Variants in NICN1 observed in about 807,000 individuals in gnomAD.
NICN1 encodes nicolin-1.
In NICN1, 18 loss-of-function variants were observed where a neutral mutation model predicts 26.3. That is an observed-to-expected ratio of 0.68 (90% CI 0.47 to 1.01). The LOEUF (loss-of-function observed/expected upper bound fraction) is 1.01. Ranked by LOEUF, NICN1 falls within the 50% of genes least tolerant of loss-of-function variation. NICN1 has a pLI of 0.00. For synonymous variants in NICN1, 109 were observed against 111.0 expected, an observed-to-expected ratio of 0.98 and a Z score of 0.11; for missense variants, 239 against 278.3, an observed-to-expected ratio of 0.86 and a Z score of 1.00.
At chr3:49,429,049 C>A in intron 1 of NICN1, 59 bp downstream of exon 1, 1 of 1,503,542 alleles carries the variant, frequency 6.7e-7, no homozygotes, top group Non-Finnish European at 9.0e-7. Flanking sequence ...TGGGAAACGA[C>A]CGAGATTCCA....
At chr3:49,425,487 T>G in intron 3 of NICN1, 49 bp from the exon 4 acceptor site, 1 of 1,482,042 alleles carries the variant, frequency 6.7e-7, no homozygotes, top group Non-Finnish European at 9.2e-7. Context: ...TGGACAGCTC[T>G]GGGACCAGAT....
At chr3:49,428,511 C>T (rs934561465) in intron 1 of NICN1, among the ~76,000 whole-genome samples, 1 of 151,990 alleles carries the variant, frequency 6.6e-6, no homozygotes, top group Non-Finnish European at 1.5e-5. Flanking sequence ...CACCTGAGGT[C>T]GGGAGTTCCA....
At position 49,425,023 on chromosome 3, in the gene NICN1, C is replaced by G; in HGVS notation, c.526G>C (p.Glu176Gln). The change falls in exon 5 of 6, where the codon GAG becomes CAG. Residue 176 changes from glutamate (E) to glutamine (Q), a missense_variant. By Grantham distance (29) the Glu-to-Gln change is conservative (BLOSUM62 2). Transcript: ENST00000273598. The part of the protein sequence containing the change: ...GLPDPSRVSS[E>Q]VQQMWALTEM... ...GTCAGTGCCCACATCTGCTGCACCT[C>G]GGAGGATACCCTGCTGGGGTCTGGG... The G allele has an allele frequency of 1.9e-6, 3 of 1,614,098 alleles. No individual in the cohort carries two copies. Among genetic ancestry groups the G allele is most frequent in the Admixed American group, 1.7e-5 (1 of 60,018 alleles).
Position 49,429,125 on chromosome 3 carries a change from T to C in NICN1, c.115A>G (p.Ser39Gly), listed in dbSNP as rs1278801622. 1 of 1,608,388 alleles carries C rather than the reference T, an allele frequency of 6.2e-7. No homozygotes were observed. The highest frequency in any genetic ancestry group is 8.5e-7 in the Non-Finnish European group (1 of 1,177,620). Residue 39 changes from serine (S) to glycine (G), a missense_variant, in exon 1 of 6, where the codon AGC (serine) becomes GGC (glycine). Coordinates refer to ENST00000273598, the MANE Select transcript of NICN1 (RefSeq NM_032316.3). The stretch of plus-strand genomic sequence containing the variant: ...TTGCTCACCTCGAAGGGAGCGACGC[T>C]GGGGAAGGTGACATCGATGACCAGC... ...GVLVIDVTFP[S>G]VAPFELQEIT...
At position 49,426,445 on chromosome 3, in the gene NICN1, C is replaced by T; in HGVS notation, c.133-17G>A. ...TTCCTGCAACTAGAACACATACAAC[C>T]CATTACAACAAGTCAGACCCAGGCC... On this transcript the variant is annotated splice_polypyrimidine_tract_variant and intron_variant, in intron 1 of 5. Coordinates refer to ENST00000273598, the MANE Select transcript of NICN1 (RefSeq NM_032316.3). The T allele has an allele frequency of 6.2e-7, 1 of 1,611,256 alleles. No homozygotes were observed. Among genetic ancestry groups the T allele is most frequent in the African/African-American group, 1.3e-5 (1 of 74,984 alleles).
chr3:49,422,831 G>A lies in NICN1; in HGVS notation c.*2002C>T, dbSNP rs1169403046. Reference sequence around the variant, plus strand: ...GACCTCAAGAGAGTAAGGTCAAGTGGGGGTGGGGAAGGTGGGCCAGCCTGG... The same window carrying A: ...GACCTCAAGAGAGTAAGGTCAAGTGAGGGTGGGGAAGGTGGGCCAGCCTGG... On this transcript the variant is annotated 3_prime_UTR_variant, in exon 6 of 6. Coordinates refer to ENST00000273598, the MANE Select transcript of NICN1 (RefSeq NM_032316.3). 8.1e-6 allele frequency: 3 copies of A among 370,058 alleles called. No homozygotes were observed. The highest frequency in any genetic ancestry group is 1.6e-5 in the Non-Finnish European group (3 of 190,746). 22.9% of individuals were successfully genotyped at this position (370,058 alleles called of 1,614,324 possible). A position where few individuals can be genotyped will look rare whatever the true frequency, so the allele number is the denominator to read the frequency against.
rs1206393435 is a variant in NICN1 at position 49,422,538 on chromosome 3, A to G, written c.*2295T>C. ...ATGTAGTCCAGGCCTCTGCTCGGAC[A>G]GGTCTCTCTCCGGAGCAAAGGATCT... On this transcript the variant is annotated 3_prime_UTR_variant, in exon 6 of 6. Transcript: ENST00000273598. 2 of 1,387,324 alleles carry G rather than the reference A, an allele frequency of 1.4e-6. No homozygotes were observed. The highest frequency in any genetic ancestry group is 2.0e-6 in the Non-Finnish European group (2 of 993,678). The allele number at this position is 1,387,324 out of a possible 1,614,324, so 85.9% of individuals were successfully genotyped here. A position where few individuals can be genotyped will look rare whatever the true frequency, so the allele number is the denominator to read the frequency against.
rs910377360 is a variant in NICN1, at chr3:49,424,336, T to G, written c.*497A>C. On this transcript the variant is annotated 3_prime_UTR_variant, in exon 6 of 6. Coordinates refer to ENST00000273598, the MANE Select transcript of NICN1 (RefSeq NM_032316.3). ...GAAGAGTTCAGACAGGAAATTTCTC[T>G]CTGTGGCATAACACAAATGGAAAGA... 5 of 174,282 alleles carry G rather than the reference T, an allele frequency of 2.9e-5. No homozygotes were observed. Among genetic ancestry groups the G allele is most frequent in the African/African-American group, 9.6e-5 (4 of 41,798 alleles). 10.8% of individuals were successfully genotyped at this position (174,282 alleles called of 1,614,324 possible).
At chr3:49,426,105 G>T in intron 2 of NICN1, 109 bp from the exon 3 acceptor site, 1 of 1,112,850 alleles carries the variant, frequency 9.0e-7, no homozygotes, top group South Asian at 1.5e-5. Context: ...GGGAAGGAAG[G>T]AACAGTAGTC....
Position 49,424,570 on chromosome 3 carries a change from G to C in NICN1, c.*263C>G. 1.7e-6 allele frequency: 1 copy of C among 587,926 alleles called. No individual in the cohort carries two copies. Among genetic ancestry groups the C allele is most frequent in the Non-Finnish European group, 3.0e-6 (1 of 330,012 alleles). 36.4% of individuals were successfully genotyped at this position (587,926 alleles called of 1,614,324 possible). ...GGCAGAGGGCACTCAGGGATTCTCA[G>C]TAAGTACAACTGACTGGAGTGTTTT... is the stretch of plus-strand genomic sequence containing the variant. On this transcript the variant is annotated 3_prime_UTR_variant, in exon 6 of 6. Coordinates refer to ENST00000273598, the MANE Select transcript of NICN1 (RefSeq NM_032316.3).
chr3:49,424,851 G>A lies in NICN1; in HGVS notation c.624C>T (p.Asn208=). Residue 208 remains asparagine (N), a synonymous_variant, in exon 6 of 6, where the codon AAC becomes AAT. Transcript: ENST00000273598. Reference sequence around the variant, plus strand: ...CAACCATTCAAGTGTAGGAGAGCAAGTTCAGGTCATAACAGCCATCCACCT... The same window carrying A: ...CAACCATTCAAGTGTAGGAGAGCAAATTCAGGTCATAACAGCCATCCACCT... ...RFDVDGCYDL[N]LLSYT is the part of the protein sequence containing the mutation. 1 of 1,613,938 alleles carries A rather than the reference G, an allele frequency of 6.2e-7. No homozygotes were observed. The highest frequency in any genetic ancestry group is 1.1e-5 in the South Asian group (1 of 91,084).
intron 3 of NICN1, 30 bp downstream of exon 3, chr3:49,425,853 G>T (rs762438542): frequency 2.4e-6 from 3 of 1,262,650 alleles, no homozygotes; most frequent in Non-Finnish European, 2.3e-6. Context: ...CTGGGGAAAG[G>T]GCCAGCCAGC....
intron 1 of NICN1, among the ~76,000 whole-genome samples, chr3:49,427,547 G>A (rs2049184130): frequency 6.6e-6 from 1 of 151,438 alleles, no homozygotes; most frequent in Non-Finnish European, 1.5e-5. Context: ...GGAGGCTGAG[G>A]CAGGAGAATT....
chr3:49,426,108 C>T, intron 2 of NICN1, 112 bp from the exon 3 acceptor site: 2 of 1,108,716 alleles, frequency 1.8e-6, no homozygotes, highest in Non-Finnish European at 2.6e-6. Flanking sequence ...AAGGAAGGAA[C>T]AGTAGTCCCT....
intron 1 of NICN1, 59 bp downstream of exon 1, chr3:49,429,049 C>T (rs1331490555): frequency 2.0e-6 from 3 of 1,503,424 alleles, no homozygotes; most frequent in African/African-American, 2.8e-5. Flanking sequence ...TGGGAAACGA[C>T]CGAGATTCCA....
chr3:49,424,906 G>T (rs1366656175), intron 5 of NICN1, 32 bp from the exon 6 acceptor site: 2 of 1,613,208 alleles, frequency 1.2e-6, no homozygotes, highest in Non-Finnish European at 1.7e-6. Flanking sequence ...GGTCTGATCT[G>T]CTCAGGGCAA....
intron 1 of NICN1, among the ~76,000 whole-genome samples, chr3:49,426,678 C>T (rs1385358066): frequency 6.6e-6 from 1 of 152,082 alleles, no homozygotes; most frequent in Admixed American, 6.6e-5. Flanking sequence ...CAGGTACGTG[C>T]CACCACGCCC....
intron 2 of NICN1, 88 bp from the exon 3 acceptor site, chr3:49,426,084 C>A: frequency 8.8e-7 from 1 of 1,134,072 alleles, no homozygotes; most frequent in East Asian, 2.5e-5. Flanking sequence ...GCTGCCCACC[C>A]CACAGGCCTT....
chr3:49,426,047 G>A (rs763282636), intron 2 of NICN1, 51 bp from the exon 3 acceptor site: 2 of 1,307,980 alleles, frequency 1.5e-6, no homozygotes, highest in Non-Finnish European at 2.2e-6. Context: ...CTGCCCAGAA[G>A]CCTCCCAACC....
Sources: gnomAD v4.1 joint callset for allele counts (sites outside exome capture counted in the v4.1 genomes callset) on GRCh38, gnomAD v4.1.1 for gene constraint, MANE v1.5 for transcripts, NCBI Gene and HGNC (gene_info 2026-07-23, HGNC 2026-07-21) for gene names.